Variants in PCBP3 observed in about 807,000 individuals in gnomAD.
PCBP3 encodes the protein poly(rC) binding protein 3.
A neutral mutation model predicts 52.7 loss-of-function variants in PCBP3; 25 were observed. The observed-to-expected ratio is 0.47, with a 90% CI of 0.35 to 0.66. The LOEUF is 0.66. Among genes scored for constraint, PCBP3 ranks in the 30% least tolerant of loss-of-function variants. PCBP3 has a pLI of 0.01. For missense variants in PCBP3, 391 were observed against 490.3 expected (o/e 0.80, Z 1.91); for synonymous variants, 162 against 183.0 (o/e 0.89, Z 0.93).
chr21:45,682,148 C>T (rs1180435003), intron 2 of PCBP3, among the ~76,000 whole-genome samples: 2 of 152,064 alleles, frequency 1.3e-5, no homozygotes, highest in East Asian at 3.9e-4. Flanking sequence ...CTAGGCTGTC[C>T]CTTTTCTGGT....
chr21:45,712,388 G>C (rs559396646), intron 2 of PCBP3, among the ~76,000 whole-genome samples: 15 of 152,308 alleles, frequency 9.8e-5, no homozygotes, highest in African/African-American at 3.6e-4. Flanking sequence ...ATTTCTTGCT[G>C]TTCTACATCC....
rs186809264 is a variant in PCBP3, at chr21:45,926,322, G to A, written c.718-3595G>A. Among the ~76,000 whole-genome samples the A allele has an allele frequency of 2.6e-5, 4 of 152,324 alleles. No individual in the cohort carries two copies. In the East Asian group the frequency reaches 5.8e-4, roughly 22 times the overall value. The stretch of plus-strand genomic sequence containing the variant: ...TAGCACCTGCCGTTAAGCACAGCTC[G>A]TCATTCTAAATGACGCTGATAAACA... On this transcript the variant is annotated intron_variant, in intron 13 of 17. Coordinates refer to ENST00000681687, the MANE Select transcript of PCBP3 (RefSeq NM_001384156.1).
intron 2 of PCBP3, among the ~76,000 whole-genome samples, chr21:45,678,158 G>A (rs1026072843): frequency 1.3e-5 from 2 of 151,978 alleles, no homozygotes; most frequent in African/African-American, 4.8e-5. Flanking sequence ...TGGCTAACAC[G>A]GTGAAACCCC....
intron 5 of PCBP3, chr21:45,871,065 C>A (rs574011023): frequency 2.6e-4 from 47 of 181,010 alleles, no homozygotes; most frequent in Non-Finnish European, 4.4e-4. Flanking sequence ...AGACAGGAAC[C>A]CCCTACAGGA....
At chr21:45,877,589 A>C (rs1482255677) in intron 5 of PCBP3, among the ~76,000 whole-genome samples, 1 of 152,200 alleles carries the variant, frequency 6.6e-6, no homozygotes, top group Non-Finnish European at 1.5e-5. Context: ...AAATCACCTG[A>C]GGTCAGGAGT....
intron 15 of PCBP3, among the ~76,000 whole-genome samples, chr21:45,932,132 T>C (rs1416739024): frequency 6.7e-6 from 1 of 148,210 alleles, no homozygotes; most frequent in East Asian, 2.1e-4. Context: ...CTGAGGTGGA[T>C]GAACACCTAG....
chr21:45,765,823 A>G (rs2089259608), intron 4 of PCBP3, among the ~76,000 whole-genome samples: 1 of 152,230 alleles, frequency 6.6e-6, no homozygotes, highest in Admixed American at 6.5e-5. Flanking sequence ...TTCCTCCTGA[A>G]TAAGCACTGG....
rs538487120 is a variant in PCBP3 at position 45,805,858 on chromosome 21, CG to C, written c.-125-44101del. ...CATTCCCTCCTAGCACCTGCACACTCGGATGGTCCTGAGGAAAGGAGGGCGA... is the reference window on the plus strand; with the variant it reads ...CATTCCCTCCTAGCACCTGCACACTCGATGGTCCTGAGGAAAGGAGGGCGA... On this transcript the variant is annotated intron_variant, in intron 4 of 17. Coordinates refer to ENST00000681687, the MANE Select transcript of PCBP3 (RefSeq NM_001384156.1). The surrounding 1 kb of genome is among the most constrained non-coding windows in gnomAD (Gnocchi z 4.6). Among the ~76,000 whole-genome samples, 1 of 152,084 alleles carries C rather than the reference CG, an allele frequency of 6.6e-6. No individual in the cohort carries two copies. Among genetic ancestry groups the C allele is most frequent in the East Asian group, 1.9e-4 (1 of 5,160 alleles).
chr21:45,903,820 G>A (rs752502263), intron 9 of PCBP3, among the ~76,000 whole-genome samples: 1 of 152,160 alleles, frequency 6.6e-6, no homozygotes, highest in Non-Finnish European at 1.5e-5. Flanking sequence ...GAGATCAGCC[G>A]TCTGTTTCTG....
chr21:45,781,262 A>G (rs1159559742), intron 4 of PCBP3, among the ~76,000 whole-genome samples: 3 of 152,164 alleles, frequency 2.0e-5, no homozygotes, highest in Non-Finnish European at 4.4e-5. Context: ...TGGGAAAAAC[A>G]TTTGCAAATC....
At position 45,802,992 on chromosome 21, in the gene PCBP3, C is replaced by T. The variant is rs893552463; in HGVS notation, c.-125-46969C>T. On this transcript the variant is annotated intron_variant, in intron 4 of 17. Transcript: ENST00000681687. The surrounding 1 kb of genome is among the most constrained non-coding windows in gnomAD (Gnocchi z 5.1). ...GTTTTCAATAAAAAATAACATTTCC[C>T]GTCTGCATTGTACAGTCATAATTTG... Among the ~76,000 whole-genome samples the T allele has an allele frequency of 3.9e-5, 6 of 152,188 alleles. No individual in the cohort carries two copies. The highest frequency in any genetic ancestry group is 8.8e-5 in the Non-Finnish European group (6 of 68,032).
intron 4 of PCBP3, among the ~76,000 whole-genome samples, chr21:45,767,973 TG>T (rs1334857469): frequency 6.6e-6 from 1 of 152,252 alleles, no homozygotes; most frequent in African/African-American, 2.4e-5. Flanking sequence ...TTTGCTTGAT[TG>T]TTTGAGAAGG....
chr21:45,646,099 C>CTCTCTCTCTCTT (rs2079270362), intron 1 of PCBP3, among the ~76,000 whole-genome samples: 1 of 85,442 alleles, frequency 1.2e-5, no homozygotes, highest in Non-Finnish European at 2.5e-5. Context: ...CTCTCTCTCT[C>CTCTCTCTCTCTT]TCTCTCTCTG....
intron 4 of PCBP3, among the ~76,000 whole-genome samples, chr21:45,838,666 G>A (rs1474614021): frequency 1.3e-5 from 2 of 151,862 alleles, no homozygotes; most frequent in South Asian, 2.1e-4. Flanking sequence ...ATTTGTTTTA[G>A]CCTAAGTAAA....
chr21:45,918,070 C>G (rs1169817268), intron 13 of PCBP3: 1 of 267,524 alleles, frequency 3.7e-6, no homozygotes, highest in African/African-American at 2.2e-5. Context: ...ATTAACTCCC[C>G]CTTTCAGAGT....
intron 4 of PCBP3, among the ~76,000 whole-genome samples, chr21:45,757,801 T>C (rs1327575522): frequency 1.3e-5 from 2 of 152,298 alleles, no homozygotes; most frequent in African/African-American, 4.8e-5. Context: ...TATGGAATGG[T>C]CTTAGTATTC....
chr21:45,920,564 T>A (rs2074299250), intron 13 of PCBP3, among the ~76,000 whole-genome samples: 1 of 152,242 alleles, frequency 6.6e-6, no homozygotes, highest in Non-Finnish European at 1.5e-5. Context: ...ATTTCTCTGT[T>A]GGAACCTAAT....
In PCBP3 at chr21:45,662,710, A is replaced by G. The variant is rs752399197; in HGVS notation, c.-278-6164A>G. 1.5e-4 allele frequency among the ~76,000 whole-genome samples: 23 copies of G among 152,100 alleles called. 1 individual carries two copies. Among genetic ancestry groups the G allele is most frequent in the Admixed American group, 6.5e-5 (1 of 15,276 alleles). ...ACCTAGAAAAAACCGGGCCATACAG[A>G]AATAGGAGCTGAAGGGACATGATGA... On this transcript the variant is annotated intron_variant, in intron 1 of 17. Transcript: ENST00000681687.
In PCBP3 at chr21:45,917,953, G is replaced by C; in HGVS notation, c.717+324G>C. 2.9e-6 allele frequency: 1 copy of C among 347,696 alleles called. No homozygotes were observed. Among genetic ancestry groups the C allele is most frequent in the Non-Finnish European group, 5.4e-6 (1 of 184,682 alleles). 21.5% of individuals were successfully genotyped at this position (347,696 alleles called of 1,614,324 possible). ...CAGGGCAGTGAGGATGTGCTCACCC[G>C]CCACAGGCAGGCGTCAGTGATACTT... On this transcript the variant is annotated intron_variant, in intron 13 of 17. Coordinates refer to ENST00000681687, the MANE Select transcript of PCBP3 (RefSeq NM_001384156.1). The surrounding 1 kb of genome is among the most constrained non-coding windows in gnomAD (Gnocchi z 5.3).
Sources: gnomAD v4.1 joint callset for allele counts (sites outside exome capture counted in the v4.1 genomes callset) on GRCh38, gnomAD v4.1.1 for gene constraint, Gnocchi (gnomAD v3.1) non-coding constraint, MANE v1.5 for transcripts, NCBI Gene and HGNC (gene_info 2026-07-23, HGNC 2026-07-21) for gene names.